HMCN2: variants seen among roughly 807,000 people sequenced by gnomAD.
The protein encoded by HMCN2 is hemicentin-2.
HMCN2 carries 325 observed loss-of-function variants against 377.5 expected under a neutral mutation model. That is an observed-to-expected ratio of 0.86 (90% confidence interval 0.79 to 0.94). The LOEUF is 0.94. HMCN2 is among the 40% of genes least tolerant of loss of function. The pLI, the probability that HMCN2 is intolerant of heterozygous loss-of-function variation, is 0.00. For missense variants in HMCN2, 4,543 were observed against 4,725.3 expected, an observed-to-expected ratio of 0.96 and a Z score of 1.13; for synonymous variants, 2,007 against 2,046.8, an observed-to-expected ratio of 0.98 and a Z score of 0.53.
At chr9:130,312,561 T>C (rs1326383834) in intron 15 of HMCN2, among the ~76,000 whole-genome samples, 3 of 37,246 alleles carry the variant, frequency 8.1e-5, no homozygotes, top group African/African-American at 2.7e-4. Flanking sequence ...TCTTTCTTTC[T>C]TTCTTTCTTT....
chr9:130,382,874 C>T lies in HMCN2; in HGVS notation c.8733+8C>T. 1 of 985,836 alleles carries T rather than the reference C, an allele frequency of 1.0e-6. No individual in the cohort carries two copies. The highest frequency in any genetic ancestry group is 1.7e-5 in the African/African-American group (1 of 57,364). 61.1% of individuals were successfully genotyped at this position (985,836 alleles called of 1,614,324 possible). On this transcript the variant is annotated splice_region_variant and intron_variant, in intron 56 of 97. Transcript: ENST00000683500. Reference sequence around the variant, plus strand: ...GACGGGCAAGTCTTGCAGGTCAGGGCAGCCCCCTGCACGGGCTAGGGGCAG... The same window carrying T: ...GACGGGCAAGTCTTGCAGGTCAGGGTAGCCCCCTGCACGGGCTAGGGGCAG...
rs1233934709 is a variant in HMCN2, at chr9:130,270,121, CT to C, written c.259+3995del. 1.4e-3 allele frequency among the ~76,000 whole-genome samples: 195 copies of C among 138,116 alleles called. 6 individuals are homozygous for C. Among genetic ancestry groups the C allele is most frequent in the African/African-American group, 2.2e-3 (86 of 39,134 alleles). 90.6% of individuals were successfully genotyped at this position (138,116 alleles called of 152,430 possible). Reference sequence around the variant, plus strand: ...CTACCATGCCTGGCCTTAACTGTTTCTTTTTTTTTTTAAGTGTACTTAGTAT... The same window carrying C: ...CTACCATGCCTGGCCTTAACTGTTTCTTTTTTTTTTAAGTGTACTTAGTAT... On this transcript the variant is annotated intron_variant, in intron 1 of 97. Transcript: ENST00000683500.
rs1840131568 is a variant in HMCN2 at position 130,357,869 on chromosome 9, A to G, written c.5461A>G (p.Ile1821Val). 7.7e-7 allele frequency: 1 copy of G among 1,304,012 alleles called. No individual in the cohort carries two copies. Among genetic ancestry groups the G allele is most frequent in the African/African-American group, 1.5e-5 (1 of 65,848 alleles). The allele number at this position is 1,304,012 out of a possible 1,614,324, so 80.8% of individuals were successfully genotyped here. Residue 1821 changes from isoleucine (I) to valine (V), a missense_variant, in exon 35 of 98, where the codon ATC becomes GTC. Transcript: ENST00000683500. ...PSVSIIGGEN[I>V]TAPFLQPVTL... ...GGTCAGTATCATTGGGGGTGAGAACATCACAGCTCCTTTCCTGCAGCCTGT... is the reference window on the plus strand; with the variant it reads ...GGTCAGTATCATTGGGGGTGAGAACGTCACAGCTCCTTTCCTGCAGCCTGT...
chr9:130,419,150 C>T, intron 86 of HMCN2, 109 bp downstream of exon 86: 2 of 1,114,792 alleles, frequency 1.8e-6, no homozygotes, highest in East Asian at 2.9e-5. Context: ...CAGCTCCCCA[C>T]CTCTTCCCTT....
chr9:130,339,143 G>A (rs1231064471), intron 23 of HMCN2, among the ~76,000 whole-genome samples: 5 of 152,170 alleles, frequency 3.3e-5, no homozygotes, highest in South Asian at 4.1e-4. Flanking sequence ...ACCTGTGATC[G>A]TGCCACTGTA....
chr9:130,277,316 C>T (rs1370939606), intron 1 of HMCN2, among the ~76,000 whole-genome samples: 6 of 152,214 alleles, frequency 3.9e-5, no homozygotes, highest in African/African-American at 1.4e-4. Context: ...AGGGACTGCA[C>T]GCCACATCTG....
chr9:130,381,435 C>T (rs1451450427), intron 54 of HMCN2, among the ~76,000 whole-genome samples: 2 of 152,058 alleles, frequency 1.3e-5, no homozygotes, highest in African/African-American at 4.8e-5. Flanking sequence ...CAGTGGCAGT[C>T]TTGGCTCACT....
intron 15 of HMCN2, among the ~76,000 whole-genome samples, chr9:130,315,896 ACT>A (rs1837539238): frequency 6.6e-6 from 1 of 152,008 alleles, no homozygotes; most frequent in Admixed American, 6.5e-5. Context: ...TAGGGGCCTC[ACT>A]CTCATGACTT....
intron 85 of HMCN2, among the ~76,000 whole-genome samples, chr9:130,411,147 T>C (rs1026564334): frequency 3.3e-5 from 5 of 151,790 alleles, no homozygotes; most frequent in African/African-American, 1.2e-4. Context: ...GCTCCCAGCC[T>C]CCAGCATGCC....
chr9:130,309,771 G>T (rs570246524), intron 14 of HMCN2, 141 bp from the exon 15 acceptor site: 2 of 327,274 alleles, frequency 6.1e-6, no homozygotes, highest in Non-Finnish European at 1.2e-5. Flanking sequence ...CTGACCTTGG[G>T]GCTTAAACCT....
At chr9:130,370,527 G>A (rs1840961108) in intron 45 of HMCN2, among the ~76,000 whole-genome samples, 1 of 152,210 alleles carries the variant, frequency 6.6e-6, no homozygotes. Flanking sequence ...CCACCCCCCT[G>A]GGTAGAGAGT....
At chr9:130,290,243 G>A (rs1474276268) in intron 4 of HMCN2, among the ~76,000 whole-genome samples, 1 of 152,234 alleles carries the variant, frequency 6.6e-6, no homozygotes, top group African/African-American at 2.4e-5. Flanking sequence ...CTACAGGGGG[G>A]TCTGGCCCTG....
intron 78 of HMCN2, 100 bp downstream of exon 78, chr9:130,402,996 C>A: frequency 9.6e-7 from 1 of 1,041,206 alleles, no homozygotes; most frequent in Non-Finnish European, 1.3e-6. Context: ...GGCCCCGGGT[C>A]TCAGAGGCCC....
At chr9:130,345,902 G>T (rs1468445211) in intron 25 of HMCN2, among the ~76,000 whole-genome samples, 1 of 151,994 alleles carries the variant, frequency 6.6e-6, no homozygotes, top group Non-Finnish European at 1.5e-5. Flanking sequence ...CTCCTGCAGA[G>T]ATGATGCCAG....
chr9:130,292,865 G>A lies in HMCN2; in HGVS notation c.613-1990G>A, dbSNP rs141537935. ...TTAGCCACTTCTCCAAGGAACCCTC[G>A]TGGGGAATGGTATTTAGAAACCAAG... is the stretch of plus-strand genomic sequence containing the variant. On this transcript the variant is annotated intron_variant, in intron 4 of 97. Transcript: ENST00000683500. Among the ~76,000 whole-genome samples the A allele has an allele frequency of 1.8e-3, 270 of 152,262 alleles. 1 individual carries two copies. Among genetic ancestry groups the A allele is most frequent in the African/African-American group, 6.1e-3 (254 of 41,540 alleles).
intron 1 of HMCN2, among the ~76,000 whole-genome samples, chr9:130,268,814 C>A (rs543687553): frequency 1.4e-5 from 2 of 148,106 alleles, no homozygotes; most frequent in South Asian, 4.4e-4. Context: ...AGGAGTGGAG[C>A]GGGAAAGTGG....
intron 22 of HMCN2, among the ~76,000 whole-genome samples, chr9:130,336,040 G>T (rs1474887055): frequency 2.0e-5 from 3 of 152,184 alleles, no homozygotes; most frequent in Non-Finnish European, 2.9e-5. Flanking sequence ...AGAGCAGAGG[G>T]TGTGAGCCTG....
intron 59 of HMCN2, 75 bp from the exon 60 acceptor site, chr9:130,385,485 G>A: frequency 9.0e-7 from 1 of 1,111,918 alleles, no homozygotes; most frequent in Non-Finnish European, 1.2e-6. Flanking sequence ...GTTTCCACTG[G>A]CATTTTCCCT....
rs1233938946 is a variant in HMCN2 at position 130,285,291 on chromosome 9, G to A, written c.464G>A (p.Arg155Gln). 2.5e-5 allele frequency: 12 copies of A among 471,034 alleles called. No individual in the cohort carries two copies. Among genetic ancestry groups the A allele is most frequent in the African/African-American group, 1.2e-4 (6 of 50,092 alleles). 29.2% of individuals were successfully genotyped at this position (471,034 alleles called of 1,614,324 possible). Reference protein sequence around the residue: ...KDYHKKEELLRLLQLKQSQVV... With the variant: ...KDYHKKEELLQLLQLKQSQVV... ...TATCACAAGAAGGAAGAGCTGCTGCGGCTCCTGCAGCTCAAGCAATCACAG... is the reference window on the plus strand; with the variant it reads ...TATCACAAGAAGGAAGAGCTGCTGCAGCTCCTGCAGCTCAAGCAATCACAG... Residue 155 changes from arginine (R) to glutamine (Q), a missense_variant, in exon 3 of 98, where the codon CGG (arginine) becomes CAG (glutamine). Around this residue, in one of 5 missense-constraint regions of HMCN2, gnomAD observed 547 missense variants for 189.9 expected, o/e 2.88. Coordinates refer to ENST00000683500, the MANE Select transcript of HMCN2 (RefSeq NM_001291815.2).
Sources: gnomAD v4.1 joint callset for allele counts (sites outside exome capture counted in the v4.1 genomes callset) on GRCh38, gnomAD v4.1.1 for gene constraint, gnomAD v4.1.1 regional missense constraint, MANE v1.5 for transcripts, NCBI Gene and HGNC (gene_info 2026-07-23, HGNC 2026-07-21) for gene names.